The following NAV3 variants were observed in gnomAD, a reference collection of about 807,000 sequenced individuals.
NAV3 encodes the protein pore membrane and/or filament interacting like protein 1.
A neutral mutation model predicts 244.7 loss-of-function variants in NAV3; 87 were observed. The observed-to-expected ratio is 0.36, with a 90% CI of 0.30 to 0.42. The LOEUF (loss-of-function observed/expected upper bound fraction) is 0.42. Among genes scored for constraint, NAV3 ranks in the 20% least tolerant of loss-of-function variants. The probability of loss-of-function intolerance (pLI) is 1.00; values close to 1 mark genes in which losing one functional copy is unlikely to be tolerated. For missense variants in NAV3, 2,663 were observed against 2,893.3 expected (o/e 0.92, Z 1.83); for synonymous variants, 1,126 against 1,042.2 (o/e 1.08, Z -1.55).
chr12:77,831,213 GAGAGAA>G lies in NAV3; in HGVS notation c.-243_-238del, dbSNP rs1873631529. The G allele has an allele frequency of 8.8e-5, 24 of 274,106 alleles. No individual in the cohort carries two copies. Among genetic ancestry groups the G allele is most frequent in the East Asian group, 1.6e-4 (2 of 12,320 alleles). The allele number at this position is 274,106 out of a possible 1,614,324, so 17.0% of individuals were successfully genotyped here. A position where few individuals can be genotyped will look rare whatever the true frequency, so the allele number is the denominator to read the frequency against. The stretch of plus-strand genomic sequence containing the variant: ...AGAGAGACAGAGAGAGAGAGAGAGA[GAGAGAA>G]AGAGAGAGAGAGAGAGAATGAGAAT... On this transcript the variant is annotated 5_prime_UTR_variant, in exon 1 of 40. Transcript: ENST00000397909.
chr12:77,806,185 C>T (rs986086706), intron 2 of NAV3, among the ~76,000 whole-genome samples: 6 of 151,888 alleles, frequency 4.0e-5, no homozygotes, highest in Admixed American at 6.6e-5. Context: ...CTCTGATCTT[C>T]GTTATTTCTT....
intron 3 of NAV3, among the ~76,000 whole-genome samples, chr12:77,960,740 T>G (rs1261117755): frequency 6.8e-6 from 1 of 147,482 alleles, no homozygotes; most frequent in Non-Finnish European, 1.5e-5. Flanking sequence ...ATATGTATCA[T>G]GTATATAATA....
chr12:77,851,010 G>C (rs1419231753), intron 1 of NAV3, among the ~76,000 whole-genome samples: 1 of 152,106 alleles, frequency 6.6e-6, no homozygotes, highest in Admixed American at 6.5e-5. Context: ...AGAACTTTTG[G>C]ATTCATAGAC....
At chr12:77,847,995 C>T (rs1592769900) in intron 1 of NAV3, among the ~76,000 whole-genome samples, 1 of 152,162 alleles carries the variant, frequency 6.6e-6, no homozygotes, top group Admixed American at 6.5e-5. Context: ...CCTGGATTCT[C>T]TTGTGGATGT....
intron 8 of NAV3, among the ~76,000 whole-genome samples, chr12:78,009,445 C>CAAAAAAAAA (rs35722033): frequency 1.0e-3 from 73 of 69,898 alleles, no homozygotes; most frequent in Non-Finnish European, 1.3e-3. Context: ...GAGGGAAACT[C>CAAAAAAAAA]AAAAAAAAAA....
At chr12:77,727,465 T>G (rs776504375) in intron 2 of NAV3, among the ~76,000 whole-genome samples, 15 of 151,948 alleles carry the variant, frequency 9.9e-5, no homozygotes, top group Non-Finnish European at 2.2e-4. Context: ...ATTGACCCCT[T>G]TTTGTATCAT....
intron 2 of NAV3, among the ~76,000 whole-genome samples, chr12:77,610,927 G>A (rs928715326): frequency 6.7e-6 from 1 of 149,640 alleles, no homozygotes; most frequent in Non-Finnish European, 1.5e-5. Context: ...GAGTAAGAGA[G>A]AAGTAAAAAC....
intron 11 of NAV3, among the ~76,000 whole-genome samples, chr12:78,052,842 G>A (rs1162826968): frequency 2.6e-5 from 4 of 151,700 alleles, no homozygotes; most frequent in Admixed American, 2.6e-4. Context: ...ACATATGTGT[G>A]AATTCAATTT....
At chr12:77,922,328 C>T (rs1631313) in intron 1 of NAV3, among the ~76,000 whole-genome samples, 17,287 of 152,028 alleles carry the variant, frequency 0.11, 1,096 homozygotes, top group South Asian at 0.21. Flanking sequence ...GGAGGGCCAG[C>T]GCTTCTTTTC....
chr12:77,999,949 C>T (rs1282262593), intron 7 of NAV3, among the ~76,000 whole-genome samples: 1 of 152,106 alleles, frequency 6.6e-6, no homozygotes, highest in African/African-American at 2.4e-5. Context: ...AATTAAGCAA[C>T]ACGATACCAC....
intron 1 of NAV3, among the ~76,000 whole-genome samples, chr12:77,866,119 A>T (rs1407464048): frequency 6.6e-6 from 1 of 152,202 alleles, no homozygotes; most frequent in Non-Finnish European, 1.5e-5. Context: ...AACTTTACAA[A>T]AAGCAAAAAT....
At chr12:77,978,902 A>G (rs975237765) in intron 5 of NAV3, among the ~76,000 whole-genome samples, 1 of 152,048 alleles carries the variant, frequency 6.6e-6, no homozygotes, top group Non-Finnish European at 1.5e-5. Flanking sequence ...GAGTAAAATT[A>G]CATCTCAATA....
In NAV3 at chr12:78,078,980, C is replaced by G. The variant is rs561218752; in HGVS notation, c.2636+19865C>G. On this transcript the variant is annotated intron_variant, in intron 12 of 39. Transcript: ENST00000397909. ...AAATAATGTTGCTGGTTTTTAACCA[C>G]TTGACTTGGTGATTCCTTAAATAGA... 1.6e-3 allele frequency among the ~76,000 whole-genome samples: 241 copies of G among 152,304 alleles called. 1 individual carries two copies. Among genetic ancestry groups the G allele is most frequent in the Non-Finnish European group, 2.2e-3 (151 of 68,024 alleles).
chr12:77,601,799 G>A (rs182662199), intron 2 of NAV3, among the ~76,000 whole-genome samples: 12 of 152,094 alleles, frequency 7.9e-5, no homozygotes, highest in Middle Eastern at 3.4e-3. Context: ...CTAAGCCAGG[G>A]ACTTTGGGAG....
chr12:77,958,277 C>T (rs772397662), intron 3 of NAV3, among the ~76,000 whole-genome samples: 1 of 152,082 alleles, frequency 6.6e-6, no homozygotes, highest in African/African-American at 2.4e-5. Context: ...TAATTCAGTG[C>T]TCTTTAGAAT....
chr12:77,589,048 C>A (rs1198063166), intron 2 of NAV3, among the ~76,000 whole-genome samples: 2 of 152,046 alleles, frequency 1.3e-5, no homozygotes, highest in African/African-American at 4.8e-5. Flanking sequence ...TCCATCAAAG[C>A]CAAAGCAACG....
chr12:78,191,856 G>T (rs1335678380), intron 34 of NAV3, among the ~76,000 whole-genome samples: 1 of 151,884 alleles, frequency 6.6e-6, no homozygotes, highest in South Asian at 2.1e-4. Context: ...CCTCAATGTT[G>T]GTATGACAAA....
chr12:77,659,854 G>A (rs761409192), intron 2 of NAV3, among the ~76,000 whole-genome samples: 5 of 151,408 alleles, frequency 3.3e-5, no homozygotes, highest in Non-Finnish European at 5.9e-5. Context: ...GTAAACTATC[G>A]CAAGGACAAA....
At position 77,831,189 on chromosome 12, in the gene NAV3, G is replaced by C. The variant is rs202110465; in HGVS notation, c.-273G>C. ...AGAGACAGAGAGAGAGAGAGAGAGA[G>C]AGAGACAGAGAGAGAGAGAGAGAGA... On this transcript the variant is annotated 5_prime_UTR_variant, in exon 1 of 40. Coordinates refer to ENST00000397909, the MANE Select transcript of NAV3 (RefSeq NM_001024383.2). 1.2e-3 allele frequency: 147 copies of C among 127,202 alleles called. 2 individuals are homozygous for C. The highest frequency in any genetic ancestry group is 6.5e-3 in the East Asian group (32 of 4,894). The allele number at this position is 127,202 out of a possible 1,614,324, so 7.9% of individuals were successfully genotyped here.
Sources: gnomAD v4.1 joint callset for allele counts (sites outside exome capture counted in the v4.1 genomes callset) on GRCh38, gnomAD v4.1.1 for gene constraint, MANE v1.5 for transcripts, NCBI Gene and HGNC (gene_info 2026-07-23, HGNC 2026-07-21) for gene names.